The following RNF111 variants were observed in gnomAD, a reference collection of about 807,000 sequenced individuals.
RNF111 encodes ring finger protein 111, also known as E3 ubiquitin-protein ligase Arkadia.
A neutral mutation model predicts 95.1 loss-of-function variants in RNF111; 17 were observed. The ratio of observed to expected loss-of-function variants is 0.18; its 90% CI spans 0.12 to 0.27. The LOEUF is 0.27. Ranked by LOEUF, RNF111 falls within the 10% of genes least tolerant of loss-of-function variation. The pLI is 1.00. For synonymous variants in RNF111, 440 were observed against 414.8 expected, an observed-to-expected ratio of 1.06 and a Z score of -0.74; for missense variants, 1,189 against 1,210.4, an observed-to-expected ratio of 0.98 and a Z score of 0.26.
intron 2 of RNF111, among the ~76,000 whole-genome samples, chr15:59,037,109 T>C (rs1188042476): frequency 6.6e-6 from 1 of 152,096 alleles, no homozygotes; most frequent in African/African-American, 2.4e-5. Context: ...AGTGCTGGAT[T>C]ACAGGTGTGA....
At chr15:59,063,938 A>C (rs1291245916) in intron 5 of RNF111, among the ~76,000 whole-genome samples, 2 of 152,218 alleles carry the variant, frequency 1.3e-5, no homozygotes, top group Admixed American at 1.3e-4. Context: ...TTCCTGATGC[A>C]ATACACAATA....
At chr15:59,055,137 A>G (rs1013168019) in intron 3 of RNF111, among the ~76,000 whole-genome samples, 31 of 152,246 alleles carry the variant, frequency 2.0e-4, no homozygotes, top group African/African-American at 7.5e-4. Flanking sequence ...TAGGGCTACC[A>G]AACTAGTAAA....
chr15:59,058,299 T>C, intron 4 of RNF111, 57 bp from the exon 5 acceptor site: 1 of 1,366,562 alleles, frequency 7.3e-7, no homozygotes, highest in Non-Finnish European at 1.0e-6. Context: ...TACATTAAAA[T>C]ATAACCCTTT....
chr15:58,996,487 A>G (rs1208699191), intron 1 of RNF111, among the ~76,000 whole-genome samples: 1 of 151,786 alleles, frequency 6.6e-6, no homozygotes, highest in Non-Finnish European at 1.5e-5. Flanking sequence ...TGGCTGGAGC[A>G]GGAGAATCGC....
chr15:59,005,245 T>C (rs1174055826), intron 1 of RNF111, among the ~76,000 whole-genome samples: 1 of 152,174 alleles, frequency 6.6e-6, no homozygotes, highest in East Asian at 1.9e-4. Context: ...TAGGCTGATC[T>C]CAAACTCCTG....
intron 7 of RNF111, 23 bp from the exon 8 acceptor site, chr15:59,080,913 T>C (rs375100763): frequency 8.9e-6 from 14 of 1,576,180 alleles, no homozygotes; most frequent in Admixed American, 6.9e-5. Flanking sequence ...CTATGTAACA[T>C]ACTCAAAATA....
At chr15:58,996,067 A>T (rs1456050268) in intron 1 of RNF111, among the ~76,000 whole-genome samples, 6 of 152,092 alleles carry the variant, frequency 3.9e-5, no homozygotes, top group Non-Finnish European at 7.3e-5. Flanking sequence ...TATTGTCATA[A>T]AGCAATTTTT....
chr15:59,077,789 C>G (rs1169211284), intron 7 of RNF111, among the ~76,000 whole-genome samples: 1 of 152,152 alleles, frequency 6.6e-6, no homozygotes, highest in East Asian at 1.9e-4. Context: ...GGGGCTGCAT[C>G]AATTTACACA....
At chr15:59,052,007 A>T (rs1644670583) in intron 2 of RNF111, among the ~76,000 whole-genome samples, 1 of 152,110 alleles carries the variant, frequency 6.6e-6, no homozygotes, top group South Asian at 2.1e-4. Flanking sequence ...ATATTACAGG[A>T]TAAATATCTA....
chr15:59,061,276 A>G (rs1231535440), intron 5 of RNF111, among the ~76,000 whole-genome samples: 1 of 152,200 alleles, frequency 6.6e-6, no homozygotes, highest in Non-Finnish European at 1.5e-5. Context: ...CCAGGACCCT[A>G]TGGAACATTA....
Position 58,988,078 on chromosome 15 carries a change from A to C in RNF111, c.-20+10A>C, listed in dbSNP as rs2038643398. On this transcript the variant is annotated intron_variant, in intron 1 of 13. Transcript: ENST00000348370. The stretch of plus-strand genomic sequence containing the variant: ...GTGGCTAATGATTAAGGTGAGGGGA[A>C]CGGGGGGGGAGGGGATCCATTGGAG... The C allele has an allele frequency of 1.2e-4, 15 of 122,076 alleles. No homozygotes were observed. Among genetic ancestry groups the C allele is most frequent in the East Asian group, 1.1e-3 (4 of 3,586 alleles). The allele number at this position is 122,076 out of a possible 1,614,324, so 7.6% of individuals were successfully genotyped here.
rs2079168446 is a variant in RNF111, at chr15:59,095,846, TTGGAATTTAAGTCAC to T, written c.*950_*964del. The T allele has an allele frequency of 2.5e-6, 1 of 395,638 alleles. No homozygotes were observed. The highest frequency in any genetic ancestry group is 4.5e-6 in the Non-Finnish European group (1 of 224,356). The allele number at this position is 395,638 out of a possible 1,614,324, so 24.5% of individuals were successfully genotyped here. A position where few individuals can be genotyped will look rare whatever the true frequency, so the allele number is the denominator to read the frequency against. On this transcript the variant is annotated 3_prime_UTR_variant, in exon 14 of 14. Transcript: ENST00000348370. ...TTTTGTAGACACATTAAGTCAAGAT[TTGGAATTTAAGTCAC>T]TGGCAGGTATCTGTGCATTCATAGA...
chr15:59,010,205 A>G (rs2039732464), intron 1 of RNF111, among the ~76,000 whole-genome samples: 1 of 152,076 alleles, frequency 6.6e-6, no homozygotes, highest in Non-Finnish European at 1.5e-5. Context: ...AAGTTTTGGG[A>G]TTGATTCTTT....
intron 1 of RNF111, among the ~76,000 whole-genome samples, chr15:58,997,488 A>G (rs138764503): frequency 5.9e-4 from 89 of 151,350 alleles, no homozygotes; most frequent in African/African-American, 2.0e-3. Context: ...AGTAATCACT[A>G]TGTTCTTCAT....
In RNF111 at chr15:59,030,947, C is replaced by G. The variant is rs1222289427; in HGVS notation, c.125C>G (p.Pro42Arg). 1 of 1,614,010 alleles carries G rather than the reference C, an allele frequency of 6.2e-7. No individual in the cohort carries two copies. Among genetic ancestry groups the G allele is most frequent in the Admixed American group, 1.7e-5 (1 of 60,002 alleles). Residue 42 changes from proline to arginine, a missense_variant, in exon 2 of 14, where the codon CCC becomes CGC. Transcript: ENST00000348370. The stretch of plus-strand genomic sequence containing the variant: ...AAAGGGATCCTTTTGCATCCAGAGC[C>G]CATTGGGGCAGCCAAAAGTTTTCCT... ...SLKGILLHPE[P>R]IGAAKSFPAG...
intron 3 of RNF111, 66 bp from the exon 4 acceptor site, chr15:59,055,616 T>C: frequency 8.2e-7 from 1 of 1,217,278 alleles, no homozygotes; most frequent in African/African-American, 1.6e-5. Context: ...GAAAGGCTTA[T>C]GGGTTTTTGT....
At position 59,096,332 on chromosome 15, in the gene RNF111, C is replaced by T. The variant is rs1051529380; in HGVS notation, c.*1432C>T. On this transcript the variant is annotated 3_prime_UTR_variant, in exon 14 of 14. Coordinates refer to ENST00000348370, the MANE Select transcript of RNF111 (RefSeq NM_017610.8). Reference sequence around the variant, plus strand: ...AATATCACTGTCTGTATGTGGAGGACATGTTCCCATGGATCATATGTGAAG... The same window carrying T: ...AATATCACTGTCTGTATGTGGAGGATATGTTCCCATGGATCATATGTGAAG... The T allele has an allele frequency of 4.5e-4, 157 of 348,150 alleles. No homozygotes were observed. The highest frequency in any genetic ancestry group is 7.3e-4 in the Non-Finnish European group (142 of 194,922). 21.6% of individuals were successfully genotyped at this position (348,150 alleles called of 1,614,324 possible).
At chr15:58,990,828 C>G (rs1256204511) in intron 1 of RNF111, among the ~76,000 whole-genome samples, 1 of 152,094 alleles carries the variant, frequency 6.6e-6, no homozygotes, top group Non-Finnish European at 1.5e-5. Context: ...GTTTTTCTTT[C>G]AGAAACCTGT....
In RNF111 at chr15:59,081,025, C is replaced by G. The variant is rs1566939511; in HGVS notation, c.2038C>G (p.Gln680Glu). The G allele has an allele frequency of 6.2e-7, 1 of 1,614,140 alleles. No individual in the cohort carries two copies. Among genetic ancestry groups the G allele is most frequent in the Non-Finnish European group, 8.5e-7 (1 of 1,180,016 alleles). ...CCCTCCTCAGACTCAGCCTCCGCCT[C>G]AAGTGGATTATGTTATTCCTCATCC... ...NPPPQTQPPP[Q>E]VDYVIPHPVH... The change falls in exon 8 of 14, where the codon CAA (glutamine) becomes GAA (glutamate). Residue 680 changes from glutamine to glutamate, a missense_variant. Gln to Glu is a conservative substitution (Grantham distance 29). This residue lies in a region of RNF111 where 1,024 missense variants were observed against 925.9 expected (regional missense o/e 1.11). Coordinates refer to ENST00000348370, the MANE Select transcript of RNF111 (RefSeq NM_017610.8).
Sources: allele counts gnomAD v4.1 joint callset (sites outside exome capture counted in the v4.1 genomes callset), GRCh38; gene constraint gnomAD v4.1.1; regional missense constraint gnomAD v4.1.1; transcripts MANE v1.5; gene names NCBI Gene and HGNC (gene_info 2026-07-23, HGNC 2026-07-21).